CSDE1: variants seen among roughly 807,000 people sequenced by gnomAD.
CSDE1 encodes cold shock domain-containing protein E1.
Under a neutral mutation model 89.3 loss-of-function variants are expected in CSDE1, and 17 were observed. The observed-to-expected ratio is 0.19, with a 90% CI of 0.13 to 0.29. CSDE1 has a LOEUF of 0.29. Ranked by LOEUF, CSDE1 falls within the 10% of genes least tolerant of loss-of-function variation. The pLI is 1.00. For synonymous variants in CSDE1, 322 were observed against 332.8 expected (o/e 0.97, Z 0.35); for missense variants, 672 against 984.2 (o/e 0.68, Z 4.24).
chr1:114,719,015 C>T, intron 18 of CSDE1: 1 of 372,594 alleles, frequency 2.7e-6, no homozygotes, highest in South Asian at 4.5e-5. Context: ...TCCACAGATG[C>T]ATAAAAAAAC....
chr1:114,738,661 CTTTTTTTTTTTTTT>C (rs752985259), intron 3 of CSDE1, among the ~76,000 whole-genome samples: 28 of 80,042 alleles, frequency 3.5e-4, no homozygotes, highest in African/African-American at 1.1e-3. Flanking sequence ...CATGTAAAAA[CTTTTTTTTTTTTTT>C]TTTTTTTTTT....
chr1:114,719,411 A>T (rs1659385374), intron 18 of CSDE1, among the ~76,000 whole-genome samples, 168 bp downstream of exon 18: 2 of 152,246 alleles, frequency 1.3e-5, no homozygotes, highest in Non-Finnish European at 2.9e-5. Flanking sequence ...CAAAAATTTT[A>T]AAAAACATGT....
chr1:114,757,856 C>T (rs534112514), intron 1 of CSDE1, 69 bp downstream of exon 1: 2 of 152,874 alleles, frequency 1.3e-5, no homozygotes, highest in Admixed American at 1.3e-4. Context: ...TCTCGTTAGC[C>T]TTGGTCTTAT....
intron 2 of CSDE1, among the ~76,000 whole-genome samples, chr1:114,744,633 C>A (rs1368079589): frequency 6.6e-6 from 1 of 151,746 alleles, no homozygotes; most frequent in Non-Finnish European, 1.5e-5. Context: ...ACACACACAC[C>A]CCCATGGATG....
At chr1:114,738,232 A>G (rs1403052499) in intron 3 of CSDE1, among the ~76,000 whole-genome samples, 160 bp from the exon 4 acceptor site, 1 of 152,190 alleles carries the variant, frequency 6.6e-6, no homozygotes. Flanking sequence ...GGAGCTTAAA[A>G]GAAATACTGG....
At chr1:114,722,401 TTTAAG>T (rs1272374543) in intron 16 of CSDE1, among the ~76,000 whole-genome samples, 3 of 152,210 alleles carry the variant, frequency 2.0e-5, no homozygotes, top group African/African-American at 4.8e-5. Context: ...CTAGCAAAGA[TTTAAG>T]TTATTTGTCC....
At chr1:114,719,790 T>G (rs1659410070) in intron 17 of CSDE1, 48 bp from the exon 18 acceptor site, 1 of 1,558,426 alleles carries the variant, frequency 6.4e-7, no homozygotes, top group African/African-American at 1.4e-5. Context: ...CACACCTCAC[T>G]CTGAATGAAG....
At chr1:114,722,078 C>T (rs772955480) in intron 16 of CSDE1, among the ~76,000 whole-genome samples, 20 of 149,320 alleles carry the variant, frequency 1.3e-4, no homozygotes, top group South Asian at 4.3e-4. Flanking sequence ...GACAGGGTTT[C>T]GCCATGTTGG....
intron 7 of CSDE1, 40 bp downstream of exon 7, chr1:114,734,400 AGT>A (rs774878842): frequency 6.5e-7 from 1 of 1,545,066 alleles, no homozygotes; most frequent in East Asian, 2.3e-5. Context: ...CAACATTTCA[AGT>A]GGCCAAAGAA....
chr1:114,741,300 T>C (rs1000522635), intron 2 of CSDE1, among the ~76,000 whole-genome samples: 8 of 152,222 alleles, frequency 5.3e-5, no homozygotes, highest in Non-Finnish European at 1.0e-4. Flanking sequence ...AAATTTTCCA[T>C]CTTTATTAAG....
chr1:114,738,289 A>G (rs1247769830), intron 3 of CSDE1, among the ~76,000 whole-genome samples: 1 of 152,218 alleles, frequency 6.6e-6, no homozygotes, highest in Non-Finnish European at 1.5e-5. Context: ...GATCAAGTAT[A>G]GCAATCTGTG....
chr1:114,730,524 T>G lies in CSDE1; in HGVS notation c.1175A>C (p.Glu392Ala). 1.2e-6 allele frequency: 2 copies of G among 1,614,084 alleles called. No homozygotes were observed. The highest frequency in any genetic ancestry group is 1.7e-6 in the Non-Finnish European group (2 of 1,180,028). Residue 392 changes from glutamate (E) to alanine (A), a missense_variant, in exon 11 of 20, where the codon GAG becomes GCG. Coordinates refer to ENST00000358528, the MANE Select transcript of CSDE1 (RefSeq NM_001007553.3). ...GNQLHIADEV[E>A]FTVVPDMLSA... ...ACAACTCACAGGAACCACAGTAAAC[T>G]CTACTTCATCTGCAATATGGAGCTG...
intron 16 of CSDE1, among the ~76,000 whole-genome samples, chr1:114,722,563 T>C (rs762132227): frequency 6.6e-6 from 1 of 152,228 alleles, no homozygotes; most frequent in Non-Finnish European, 1.5e-5. Flanking sequence ...TAGAGATGCC[T>C]AAACAAAACC....
intron 1 of CSDE1, chr1:114,756,893 A>G (rs1474320652): frequency 6.6e-6 from 1 of 152,266 alleles, no homozygotes; most frequent in African/African-American, 2.4e-5. Context: ...GAAAACCTTA[A>G]AGCAAAAGAA....
intron 2 of CSDE1, chr1:114,746,946 C>T (rs1000450776): frequency 3.3e-5 from 5 of 152,324 alleles, no homozygotes; most frequent in African/African-American, 1.2e-4. Context: ...CCCTAGCAAC[C>T]GCCAAGTAAT....
chr1:114,751,958 C>T (rs1197255642), intron 1 of CSDE1, among the ~76,000 whole-genome samples: 1 of 152,194 alleles, frequency 6.6e-6, no homozygotes, highest in African/African-American at 2.4e-5. Flanking sequence ...CATACCACCA[C>T]CAGACTATCA....
At position 114,730,522 on chromosome 1, in the gene CSDE1, ACT is replaced by A; in HGVS notation, c.1175_1176del (p.Glu392ValfsTer6). On this transcript the variant is annotated frameshift_variant, in exon 11 of 20. Transcript: ENST00000358528. LOFTEE classifies it high-confidence loss of function. ...AAACAACTCACAGGAACCACAGTAA[ACT>A]CTACTTCATCTGCAATATGGAGCTG... is the stretch of plus-strand genomic sequence containing the variant. ...GNQLHIADEV[E>X]FTVVPDMLSA... is the part of the protein sequence containing the mutation. The A allele has an allele frequency of 6.2e-7, 1 of 1,614,082 alleles. No individual in the cohort carries two copies. Among genetic ancestry groups the A allele is most frequent in the East Asian group, 2.2e-5 (1 of 44,860 alleles).
At position 114,725,202 on chromosome 1, in the gene CSDE1, A is replaced by G. The variant is rs2101020646; in HGVS notation, c.1753+19T>C. 6.3e-7 allele frequency: 1 copy of G among 1,596,550 alleles called. No individual in the cohort carries two copies. Among genetic ancestry groups the G allele is most frequent in the Non-Finnish European group, 8.6e-7 (1 of 1,163,928 alleles). ...CCCACTTAAAAGCACAGGCTGAATA[A>G]GAAGTCACAATTTATTACCTGAGTG... On this transcript the variant is annotated intron_variant, in intron 15 of 19. Coordinates refer to ENST00000358528, the MANE Select transcript of CSDE1 (RefSeq NM_001007553.3).
chr1:114,723,764 T>G, intron 16 of CSDE1, 119 bp downstream of exon 16: 1 of 1,409,802 alleles, frequency 7.1e-7, no homozygotes, highest in Admixed American at 1.8e-5. Flanking sequence ...GAGGTCACTT[T>G]TCCTTAATTC....
Sources: allele counts gnomAD v4.1 joint callset (sites outside exome capture counted in the v4.1 genomes callset), GRCh38; gene constraint gnomAD v4.1.1; transcripts MANE v1.5; gene names NCBI Gene and HGNC (gene_info 2026-07-23, HGNC 2026-07-21).